The following STK26 variants were observed in gnomAD, a reference collection of about 807,000 sequenced individuals.
The protein encoded by STK26 is serine/threonine-protein kinase 26.
STK26 carries 14 observed loss-of-function variants against 34.7 expected under a neutral mutation model. The observed-to-expected ratio is 0.40, with a 90% CI of 0.27 to 0.63. The LOEUF is 0.63. Ranked by LOEUF, STK26 falls within the 30% of genes least tolerant of loss-of-function variation. The pLI is 0.38. For missense variants in STK26, 226 were observed against 309.1 expected (o/e 0.73, Z 2.02); for synonymous variants, 100 against 109.8 (o/e 0.91, Z 0.56).
chrX:132,026,457 C>T (rs1411938907), intron 2 of STK26, among the ~76,000 whole-genome samples: 4 of 111,382 alleles, frequency 3.6e-5, no homozygotes, highest in African/African-American at 1.3e-4. Flanking sequence ...GAGGAATTTT[C>T]CATACCAGTA....
chrX:132,068,368 T>C, intron 5 of STK26, 44 bp from the exon 6 acceptor site: 1 of 1,198,131 alleles, frequency 8.3e-7, no homozygotes, highest in Non-Finnish European at 1.1e-6. Flanking sequence ...AGAAGCATTC[T>C]GAGCAAGCTG....
rs1569337831 is a variant in STK26 at position 132,074,327 on chromosome X, A to G, written c.*168A>G. On this transcript the variant is annotated 3_prime_UTR_variant, in exon 12 of 12. Coordinates refer to ENST00000394334, the MANE Select transcript of STK26 (RefSeq NM_016542.4). The stretch of plus-strand genomic sequence containing the variant: ...ATTTTGTGATGGCGTTTATCATTTT[A>G]TATTTTGAAAGGATTATTTTGTAAG... 2.4e-6 allele frequency: 1 copy of G among 418,654 alleles called. No homozygotes were observed. The highest frequency in any genetic ancestry group is 4.6e-5 in the Admixed American group (1 of 21,715). The allele number at this position is 418,654 out of a possible 1,213,427, so 34.5% of individuals were successfully genotyped here.
At chrX:132,069,066 A>G (rs1320371765) in intron 6 of STK26, among the ~76,000 whole-genome samples, 2 of 109,431 alleles carry the variant, frequency 1.8e-5, no homozygotes, top group Admixed American at 9.8e-5. Context: ...CCTTCCCCCC[A>G]TGATTCATTA....
Position 132,054,844 on chromosome X carries a change from T to C in STK26, c.256T>C (p.Tyr86His), listed in dbSNP as rs1206689970. The C allele has an allele frequency of 8.4e-7, 1 of 1,195,962 alleles. No homozygotes were observed. Among genetic ancestry groups the C allele is most frequent in the Non-Finnish European group, 1.1e-6 (1 of 882,030 alleles). ...QCDSSYVTKY[Y>H]GSYLKGSKLW... ...TGACAGCTCATATGTAACAAAATAC[T>C]ATGGGTCATATTTAAAGGTAATGTG... The change falls in exon 3 of 12, where the codon TAT (tyrosine) becomes CAT (histidine). Residue 86 changes from tyrosine to histidine, a missense_variant. By Grantham distance (83) the Tyr-to-His change is moderately conservative. Transcript: ENST00000394334.
At chrX:132,063,088 GT>G (rs1247528686) in intron 3 of STK26, among the ~76,000 whole-genome samples, 1 of 111,097 alleles carries the variant, frequency 9.0e-6, no homozygotes, top group African/African-American at 3.3e-5. Context: ...GTTACAAACA[GT>G]CCGGTAATAC....
intron 2 of STK26, among the ~76,000 whole-genome samples, chrX:132,036,392 C>T (rs756722606): frequency 1.1e-3 from 121 of 111,831 alleles, no homozygotes; most frequent in Admixed American, 3.8e-3. Context: ...GTCAGGAGCT[C>T]GAGACCAGTC....
intron 2 of STK26, among the ~76,000 whole-genome samples, chrX:132,035,752 G>T (rs1199458875): frequency 9.7e-6 from 1 of 103,071 alleles, no homozygotes; most frequent in African/African-American, 3.6e-5. Context: ...TCCCCCACAG[G>T]TAGAGATTTT....
At chrX:132,060,892 C>T (rs907971616) in intron 3 of STK26, among the ~76,000 whole-genome samples, 32 of 111,187 alleles carry the variant, frequency 2.9e-4, no homozygotes, top group Non-Finnish European at 5.5e-4. Context: ...ACCAGGATTA[C>T]AGGCGTGTTG....
At chrX:132,041,971 A>G (rs1290862166) in intron 2 of STK26, among the ~76,000 whole-genome samples, 1 of 112,106 alleles carries the variant, frequency 8.9e-6, no homozygotes, top group Non-Finnish European at 1.9e-5. Flanking sequence ...TATTTGTTAA[A>G]AGATTCAACT....
At position 132,054,735 on chromosome X, in the gene STK26, C is replaced by T. The variant is rs758407720; in HGVS notation, c.147C>T (p.Val49=). ...GAATTGATAACCGTACCCAGCAAGT[C>T]GTTGCTATTAAAATCATAGACCTTG... is the stretch of plus-strand genomic sequence containing the variant. ...FKGIDNRTQQ[V]VAIKIIDLEE... is the part of the protein sequence containing the mutation. Residue 49 remains valine (V), a synonymous_variant, in exon 3 of 12, where the codon GTC becomes GTT. Transcript: ENST00000394334. 36 of 1,209,076 alleles carry T rather than the reference C, an allele frequency of 3.0e-5. No individual in the cohort carries two copies. The highest frequency in any genetic ancestry group is 2.2e-4 in the Admixed American group (10 of 45,699).
chrX:132,054,570 TA>T (rs869066382), intron 2 of STK26, 60 bp from the exon 3 acceptor site: 6 of 1,027,023 alleles, frequency 5.8e-6, no homozygotes, highest in South Asian at 2.2e-5. Flanking sequence ...TTTCCTTCAT[TA>T]AAAAAATTTG....
chrX:132,050,090 T>C (rs1007675110), intron 2 of STK26, among the ~76,000 whole-genome samples: 5 of 111,231 alleles, frequency 4.5e-5, no homozygotes, highest in African/African-American at 1.6e-4. Context: ...CTTTCCCACA[T>C]TTTGCTCTCT....
chrX:132,060,234 A>G (rs1040900455), intron 3 of STK26, among the ~76,000 whole-genome samples: 3 of 111,912 alleles, frequency 2.7e-5, no homozygotes. Flanking sequence ...CTTGCTTCAT[A>G]TTAATAGCCT....
chrX:132,036,798 A>G (rs892417677), intron 2 of STK26, among the ~76,000 whole-genome samples: 3 of 111,925 alleles, frequency 2.7e-5, no homozygotes, highest in Non-Finnish European at 5.6e-5. Context: ...TGCACCCTCA[A>G]TGTGTATTGC....
chrX:132,030,996 G>A (rs1380369572), intron 2 of STK26, among the ~76,000 whole-genome samples: 1 of 110,891 alleles, frequency 9.0e-6, no homozygotes, highest in Admixed American at 9.6e-5. Flanking sequence ...GAGTGCAGTG[G>A]CACAATCACA....
At chrX:132,048,206 CATCTT>C (rs766454362) in intron 2 of STK26, among the ~76,000 whole-genome samples, 272 of 111,579 alleles carry the variant, frequency 2.4e-3, no homozygotes, top group Non-Finnish European at 3.5e-3. Context: ...TATTTCAAAA[CATCTT>C]ATTGTATATG....
intron 3 of STK26, among the ~76,000 whole-genome samples, chrX:132,056,210 C>T (rs1926850648): frequency 8.9e-6 from 1 of 111,749 alleles, no homozygotes; most frequent in African/African-American, 3.3e-5. Context: ...TGAGATGTCT[C>T]CTTGGTTTTT....
chrX:132,035,832 TACACACACACACAC>T (rs61494612), intron 2 of STK26, among the ~76,000 whole-genome samples: 3 of 78,240 alleles, frequency 3.8e-5, no homozygotes, highest in African/African-American at 4.9e-5. Context: ...TCTGGCTGCA[TACACACACACACAC>T]ACACACACAC....
intron 2 of STK26, among the ~76,000 whole-genome samples, chrX:132,034,227 A>G (rs1925950142): frequency 1.0e-5 from 1 of 96,332 alleles, no homozygotes; most frequent in Non-Finnish European, 2.0e-5. Flanking sequence ...GTAGGTACCT[A>G]TTGGTATGAA....
Sources: allele counts gnomAD v4.1 joint callset (sites outside exome capture counted in the v4.1 genomes callset), GRCh38; gene constraint gnomAD v4.1.1; transcripts MANE v1.5; gene names NCBI Gene and HGNC (gene_info 2026-07-23, HGNC 2026-07-21).